Variants in TBC1D22A observed in about 807,000 individuals in gnomAD.
The protein encoded by TBC1D22A is putative GTPase activator.
A neutral mutation model predicts 60.2 loss-of-function variants in TBC1D22A; 38 were observed. The observed-to-expected ratio is 0.63, with a 90% CI of 0.49 to 0.83. TBC1D22A has a LOEUF of 0.83. Among genes scored for constraint, TBC1D22A ranks in the 40% least tolerant of loss-of-function variants. The pLI is 0.00. For missense variants in TBC1D22A, 628 were observed against 701.0 expected, an observed-to-expected ratio of 0.90 and a Z score of 1.18; for synonymous variants, 302 against 281.7, an observed-to-expected ratio of 1.07 and a Z score of -0.72.
chr22:46,831,417 A>G (rs910643097), intron 4 of TBC1D22A, among the ~76,000 whole-genome samples: 2 of 152,180 alleles, frequency 1.3e-5, no homozygotes, highest in African/African-American at 4.8e-5. Flanking sequence ...AACCTGCAGT[A>G]ACTCCCGGAC....
At chr22:47,165,757 T>TG (rs1351938763) in intron 12 of TBC1D22A, among the ~76,000 whole-genome samples, 1 of 152,062 alleles carries the variant, frequency 6.6e-6, no homozygotes, top group African/African-American at 2.4e-5. Flanking sequence ...GCTGCTGCCC[T>TG]GCCCCCCGGA....
intron 10 of TBC1D22A, among the ~76,000 whole-genome samples, chr22:47,003,518 C>A (rs1425833901): frequency 2.8e-5 from 4 of 141,280 alleles, no homozygotes; most frequent in Admixed American, 1.4e-4. Context: ...CCGCCAGATA[C>A]ATATACACAC....
chr22:46,837,459 A>C lies in TBC1D22A; in HGVS notation c.637+39839A>C, dbSNP rs542810978. Among the ~76,000 whole-genome samples, 185 of 152,324 alleles carry C rather than the reference A, an allele frequency of 1.2e-3. 3 individuals carry two copies. The South Asian group carries it at 0.037, about 31-fold the overall frequency. On this transcript the variant is annotated intron_variant, in intron 4 of 12. Transcript: ENST00000337137. ...GTAGAATGCACATTCTTCTCAAGTC[A>C]TAAGGAGCATTCTCCAGATTAGATC... is the stretch of plus-strand genomic sequence containing the variant.
At chr22:47,133,896 C>G (rs953403980) in intron 12 of TBC1D22A, among the ~76,000 whole-genome samples, 2 of 152,232 alleles carry the variant, frequency 1.3e-5, no homozygotes, top group African/African-American at 4.8e-5. Context: ...GTCTCTCTCT[C>G]TCTCTCTCCA....
At position 46,793,515 on chromosome 22, in the gene TBC1D22A, C is replaced by T. The variant is rs755610660; in HGVS notation, c.134C>T (p.Thr45Met). ...TTGCATTGCAGTTTGCTCAGGTCCA[C>T]GGCCAAGATGCCGACCACACCAGTG... ...PLLHGTLLRS[T>M]AKMPTTPVKA... Residue 45 changes from threonine (T) to methionine (M), a missense_variant, in exon 3 of 13, where the codon ACG becomes ATG. Thr to Met is a moderately conservative substitution (Grantham distance 81). Transcript: ENST00000337137. 25 of 1,614,058 alleles carry T rather than the reference C, an allele frequency of 1.5e-5. No homozygotes were observed. The highest frequency in any genetic ancestry group is 5.0e-5 in the Admixed American group (3 of 60,014).
chr22:47,127,332 A>G (rs1475134988), intron 12 of TBC1D22A, among the ~76,000 whole-genome samples: 1 of 141,740 alleles, frequency 7.1e-6, no homozygotes, highest in Non-Finnish European at 1.5e-5. Flanking sequence ...GGTTCAAGCT[A>G]TTCTCCTGCC....
intron 12 of TBC1D22A, among the ~76,000 whole-genome samples, chr22:47,131,500 G>A (rs2066677075): frequency 6.6e-6 from 1 of 152,236 alleles, no homozygotes; most frequent in Non-Finnish European, 1.5e-5. Flanking sequence ...CCACAGGAGT[G>A]TTCCCCCTGC....
chr22:46,991,452 C>T (rs1295663667), intron 9 of TBC1D22A, among the ~76,000 whole-genome samples: 4 of 152,148 alleles, frequency 2.6e-5, no homozygotes, highest in South Asian at 2.1e-4. Flanking sequence ...CAGCCGGGAA[C>T]CAATCAAATG....
At chr22:46,896,254 GA>G (rs2068673468) in intron 7 of TBC1D22A, among the ~76,000 whole-genome samples, 1 of 151,984 alleles carries the variant, frequency 6.6e-6, no homozygotes, top group South Asian at 2.1e-4. Flanking sequence ...TACATGGTAA[GA>G]ATTCTGATTC....
chr22:47,012,362 C>T (rs772981070), intron 10 of TBC1D22A, among the ~76,000 whole-genome samples: 1 of 152,168 alleles, frequency 6.6e-6, no homozygotes, highest in Non-Finnish European at 1.5e-5. Context: ...CCCAGACTAG[C>T]CCAGCACTGG....
chr22:46,843,814 C>T (rs2086877863), intron 4 of TBC1D22A, among the ~76,000 whole-genome samples: 2 of 152,070 alleles, frequency 1.3e-5, no homozygotes, highest in South Asian at 4.1e-4. Context: ...ATCTCATTCA[C>T]AGCGGATTGA....
At chr22:46,910,812 G>C (rs1434473453) in intron 7 of TBC1D22A, among the ~76,000 whole-genome samples, 1 of 151,796 alleles carries the variant, frequency 6.6e-6, no homozygotes. Context: ...TCCAGGCAGA[G>C]GTAGGAGTAC....
At chr22:46,770,007 C>T (rs891726567) in intron 1 of TBC1D22A, among the ~76,000 whole-genome samples, 6 of 152,068 alleles carry the variant, frequency 3.9e-5, no homozygotes, top group Non-Finnish European at 7.4e-5. Flanking sequence ...CATCCTCATC[C>T]CTGACCCCTG....
chr22:46,793,879 G>T (rs1210554602), intron 3 of TBC1D22A, 38 bp downstream of exon 3: 2 of 1,494,666 alleles, frequency 1.3e-6, no homozygotes, highest in African/African-American at 2.8e-5. Flanking sequence ...CTGGGTTTCT[G>T]GCCAAGCTAA....
In TBC1D22A at chr22:47,024,036, C is replaced by T. The variant is rs888964697; in HGVS notation, c.1202-13035C>T. Among the ~76,000 whole-genome samples the T allele has an allele frequency of 2.0e-5, 3 of 152,168 alleles. No individual in the cohort carries two copies. In the South Asian group the frequency reaches 6.2e-4, roughly 32 times the overall value. ...ACTGTGGGTTTTCTAACACATGCCG[C>T]GGTGCGATGAAGATGACAGGAGCGT... On this transcript the variant is annotated intron_variant, in intron 10 of 12. Coordinates refer to ENST00000337137, the MANE Select transcript of TBC1D22A (RefSeq NM_014346.5).
chr22:47,115,968 C>A (rs910541), intron 12 of TBC1D22A: 106,333 of 152,210 alleles, frequency 0.7, 38,862 homozygotes, highest in African/African-American at 0.92. Flanking sequence ...TATCCCGGAA[C>A]ATCTTCATTT....
chr22:47,128,397 A>C (rs1037189095), intron 12 of TBC1D22A, among the ~76,000 whole-genome samples: 3 of 122,330 alleles, frequency 2.5e-5, no homozygotes, highest in Non-Finnish European at 5.0e-5. Flanking sequence ...AGGAGTGGCT[A>C]GGGGAGGGAG....
At chr22:46,888,045 G>C (rs2068208730) in intron 5 of TBC1D22A, among the ~76,000 whole-genome samples, 1 of 152,174 alleles carries the variant, frequency 6.6e-6, no homozygotes, top group Non-Finnish European at 1.5e-5. Flanking sequence ...TTTCTCAGTG[G>C]ACCTGTAGCT....
At chr22:47,070,413 AGGTTGTTCCCTGTTGTTTGGTTG>A (rs1569417031) in intron 11 of TBC1D22A, among the ~76,000 whole-genome samples, 14 of 123,258 alleles carry the variant, frequency 1.1e-4, no homozygotes, top group South Asian at 7.9e-4. Context: ...TGACGGTTCC[AGGTTGTTCCCTGTTGTTTGGTTG>A]GACGCTGTCC....
Sources: gnomAD v4.1 joint callset for allele counts (sites outside exome capture counted in the v4.1 genomes callset) on GRCh38, gnomAD v4.1.1 for gene constraint, MANE v1.5 for transcripts, NCBI Gene and HGNC (gene_info 2026-07-23, HGNC 2026-07-21) for gene names.